ZYG11A: variants seen among roughly 807,000 people sequenced by gnomAD.
The protein encoded by ZYG11A is zyg-11 family member A, cell cycle regulator.
A neutral mutation model predicts 77.2 loss-of-function variants in ZYG11A; 62 were observed. The observed-to-expected ratio is 0.80, with a 90% CI of 0.65 to 0.99. The LOEUF (loss-of-function observed/expected upper bound fraction) is 0.99, where lower values mean the gene tolerates loss of function less well. ZYG11A is among the 50% of genes least tolerant of loss of function. ZYG11A has a pLI of 0.00. For synonymous variants in ZYG11A, 315 were observed against 324.6 expected (o/e 0.97, Z 0.32); for missense variants, 828 against 896.8 (o/e 0.92, Z 0.98).
intron 3 of ZYG11A, among the ~76,000 whole-genome samples, chr1:52,858,080 C>T (rs1348565361): frequency 6.6e-6 from 1 of 151,152 alleles, no homozygotes; most frequent in African/African-American, 2.4e-5. Flanking sequence ...AGCCACTGTG[C>T]CTGGCCACAC....
chr1:52,888,870 C>T (rs1382352168), intron 13 of ZYG11A, among the ~76,000 whole-genome samples: 1 of 152,142 alleles, frequency 6.6e-6, no homozygotes, highest in Non-Finnish European at 1.5e-5. Context: ...GGAGCTTGCA[C>T]ATAGACTTCT....
intron 8 of ZYG11A, among the ~76,000 whole-genome samples, chr1:52,872,895 A>AAAAAG (rs1196420204): frequency 1.1e-4 from 7 of 61,610 alleles, no homozygotes; most frequent in African/African-American, 2.4e-4. Context: ...AAAAAAAAAA[A>AAAAAG]AAAAGAAAAG....
Position 52,863,939 on chromosome 1 carries a change from T to C in ZYG11A, c.1150-42T>C, listed in dbSNP as rs547517653. On this transcript the variant is annotated intron_variant, in intron 4 of 13. Coordinates refer to ENST00000371528, the MANE Select transcript of ZYG11A (RefSeq NM_001004339.3). The stretch of plus-strand genomic sequence containing the variant: ...AACATGCACAAGACAGCATAGAGAA[T>C]GTTACTGGCATCATATGCACTAAAA... 1.4e-4 allele frequency: 204 copies of C among 1,508,398 alleles called. 2 individuals are homozygous for C. In the South Asian group the frequency reaches 2.5e-3, roughly 18 times the overall value. 93.4% of individuals were successfully genotyped at this position (1,508,398 alleles called of 1,614,324 possible).
chr1:52,867,856 C>A, intron 8 of ZYG11A, 79 bp downstream of exon 8: 1 of 1,283,772 alleles, frequency 7.8e-7, no homozygotes, highest in South Asian at 1.4e-5. Flanking sequence ...AAAATCAAAT[C>A]ATTCCAAAAG....
intron 12 of ZYG11A, among the ~76,000 whole-genome samples, chr1:52,886,553 G>A (rs1646454316): frequency 6.6e-6 from 1 of 151,592 alleles, no homozygotes; most frequent in Non-Finnish European, 1.5e-5. Flanking sequence ...TTTGAGTCAG[G>A]GTCTCTCTCT....
At chr1:52,886,390 G>A (rs1646451244) in intron 12 of ZYG11A, among the ~76,000 whole-genome samples, 1 of 152,226 alleles carries the variant, frequency 6.6e-6, no homozygotes, top group African/African-American at 2.4e-5. Flanking sequence ...CAGTGTGCAA[G>A]ATTGAGGATG....
At chr1:52,875,241 T>G (rs1302007304) in intron 8 of ZYG11A, among the ~76,000 whole-genome samples, 3 of 152,156 alleles carry the variant, frequency 2.0e-5, no homozygotes, top group African/African-American at 4.8e-5. Context: ...TCACCTTGAT[T>G]ATGTTATTTC....
chr1:52,887,475 A>G (rs1646471563), intron 13 of ZYG11A, among the ~76,000 whole-genome samples: 1 of 152,144 alleles, frequency 6.6e-6, no homozygotes. Context: ...CTCTTCCTTT[A>G]GTAAAACATG....
chr1:52,871,633 CACACCAGGAT>C (rs1304612670), intron 8 of ZYG11A, among the ~76,000 whole-genome samples: 1 of 151,778 alleles, frequency 6.6e-6, no homozygotes, highest in Non-Finnish European at 1.5e-5. Flanking sequence ...AGTAGCTAAC[CACACCAGGAT>C]AATTTTTGTA....
Position 52,867,958 on chromosome 1 carries a change from CTTTTTTTTTTTTT to C in ZYG11A, c.1542+195_1542+207del, listed in dbSNP as rs1050261180. Among the ~76,000 whole-genome samples, 11 of 98,178 alleles carry C rather than the reference CTTTTTTTTTTTTT, an allele frequency of 1.1e-4. No homozygotes were observed. In the South Asian group the frequency reaches 1.4e-3, roughly 12 times the overall value. The allele number at this position is 98,178 out of a possible 152,430, so 64.4% of individuals were successfully genotyped here. A position where few individuals can be genotyped will look rare whatever the true frequency, so the allele number is the denominator to read the frequency against. ...TCTTTTGGTATGTACCTCCACATTT[CTTTTTTTTTTTTT>C]TTTTTTTTTTTTTGAGACAGAGTCT... On this transcript the variant is annotated intron_variant, in intron 8 of 13. Transcript: ENST00000371528.
At chr1:52,861,723 A>G (rs2149999645) in intron 4 of ZYG11A, among the ~76,000 whole-genome samples, 1 of 152,102 alleles carries the variant, frequency 6.6e-6, no homozygotes, top group East Asian at 1.9e-4. Flanking sequence ...ACAGCATGGG[A>G]GATTAACTTT....
At chr1:52,889,914 T>C (rs1009593486) in intron 13 of ZYG11A, among the ~76,000 whole-genome samples, 2 of 151,786 alleles carry the variant, frequency 1.3e-5, no homozygotes, top group East Asian at 1.9e-4. Context: ...GGGGTTTCAC[T>C]GTGTTAGCCA....
intron 12 of ZYG11A, among the ~76,000 whole-genome samples, chr1:52,886,256 TGTACTCA>T (rs1646449002): frequency 6.6e-6 from 1 of 152,140 alleles, no homozygotes; most frequent in Admixed American, 6.5e-5. Flanking sequence ...TCTTAAAGGC[TGTACTCA>T]GTGATACAGT....
chr1:52,846,310 T>TTTTATATATATA (rs1645577922), intron 1 of ZYG11A, among the ~76,000 whole-genome samples: 2 of 35,822 alleles, frequency 5.6e-5, no homozygotes, highest in Non-Finnish European at 1.5e-4. Flanking sequence ...TTTTAAATTT[T>TTTTATATATATA]TATATATATA....
At chr1:52,843,180 G>C (rs576018473) in intron 1 of ZYG11A, among the ~76,000 whole-genome samples, 6 of 142,092 alleles carry the variant, frequency 4.2e-5, no homozygotes, top group South Asian at 2.5e-4. Context: ...GCCGCGGAGC[G>C]GGGGGTGCTT....
At chr1:52,851,591 G>T (rs1007142480) in intron 1 of ZYG11A, among the ~76,000 whole-genome samples, 1 of 151,634 alleles carries the variant, frequency 6.6e-6, no homozygotes, top group African/African-American at 2.4e-5. Flanking sequence ...GCAGGGACAG[G>T]GTTTCAACAT....
At chr1:52,877,607 A>C in intron 8 of ZYG11A, 75 bp from the exon 9 acceptor site, 1 of 1,327,056 alleles carries the variant, frequency 7.5e-7, no homozygotes. Flanking sequence ...GATGCGTCTT[A>C]ACATTGCTTT....
chr1:52,886,436 A>G (rs1173717091), intron 12 of ZYG11A, among the ~76,000 whole-genome samples: 3 of 152,240 alleles, frequency 2.0e-5, no homozygotes, highest in Non-Finnish European at 4.4e-5. Flanking sequence ...GGTTTAATAC[A>G]GAATGCAATT....
At chr1:52,869,276 TGGGTGTTTCTCGCAGAG>T (rs1646091840) in intron 8 of ZYG11A, among the ~76,000 whole-genome samples, 1 of 150,346 alleles carries the variant, frequency 6.7e-6, no homozygotes, top group African/African-American at 2.5e-5. Context: ...TGATCATTCT[TGGGTGTTTCTCGCAGAG>T]GGGGATTTGG....
Sources: allele counts gnomAD v4.1 joint callset (sites outside exome capture counted in the v4.1 genomes callset), GRCh38; gene constraint gnomAD v4.1.1; transcripts MANE v1.5; gene names NCBI Gene and HGNC (gene_info 2026-07-23, HGNC 2026-07-21).